COL18A1: variants seen among roughly 807,000 people sequenced by gnomAD.
COL18A1 encodes the protein collagen type XVIII alpha 1 chain.
Under a neutral mutation model 168.0 loss-of-function variants are expected in COL18A1, and 133 were observed. That is an observed-to-expected ratio of 0.79 (90% confidence interval 0.69 to 0.91). COL18A1 has a LOEUF of 0.91. COL18A1 is among the 40% of genes least tolerant of loss of function. The pLI is 0.00. For missense variants in COL18A1, 2,126 were observed against 1,925.4 expected (o/e 1.10, Z -1.95); for synonymous variants, 949 against 809.0 (o/e 1.17, Z -2.94).
intron 37 of COL18A1, chr21:45,506,741 T>TA (rs1568945675): frequency 1.4e-5 from 2 of 144,720 alleles, no homozygotes; most frequent in African/African-American, 5.3e-5. Context: ...CCCACCTTCC[T>TA]TCTAGAGCCC....
Position 45,476,375 on chromosome 21 carries a change from C to T in COL18A1, c.823C>T (p.Pro275Ser), listed in dbSNP as rs761815627. The T allele has an allele frequency of 6.2e-7, 1 of 1,614,114 alleles. No individual in the cohort carries two copies. Among genetic ancestry groups the T allele is most frequent in the Non-Finnish European group, 8.5e-7 (1 of 1,180,014 alleles). The change falls in exon 6 of 42, where the codon CCC (proline) becomes TCC (serine). Residue 275 changes from proline to serine, a missense_variant. Transcript: ENST00000651438. Reference sequence around the variant, plus strand: ...GGGCGCGGCCCTAAAACCCAGGCTCCCCGCGCCACCCCCCGTCACCACGCC... The same window carrying T: ...GGGCGCGGCCCTAAAACCCAGGCTCTCCGCGCCACCCCCCGTCACCACGCC... ...ETGAALKPRL[P>S]APPPVTTPPL...
rs540602382 is a variant in COL18A1, at chr21:45,484,233, C to T, written c.1701+1412C>T. Among the ~76,000 whole-genome samples, 939 of 145,316 alleles carry T rather than the reference C, an allele frequency of 6.5e-3. 20 individuals carry two copies. Among genetic ancestry groups the T allele is most frequent in the African/African-American group, 0.024 (884 of 37,404 alleles). On this transcript the variant is annotated intron_variant, in intron 15 of 41. Transcript: ENST00000651438. ...GGCACACACATCTCCAGCATATGTG[C>T]ACACACACCTCTCCAGCATATGTGC...
intron 33 of COL18A1, 32 bp from the exon 34 acceptor site, chr21:45,504,384 G>C: frequency 6.2e-7 from 1 of 1,604,350 alleles, no homozygotes. Flanking sequence ...AGGGGTTCAG[G>C]GCTCCCGTGT....
Position 45,495,431 on chromosome 21 carries a change from G to T in COL18A1, c.2507G>T (p.Arg836Met). ...PGDASLGFGM[R>M]GMPGPPGPPG... Reference sequence around the variant, plus strand: ...GATGCCAGCCTTGGATTTGGCATGAGGGTGAGTGTCTCTCAAGGGGCGGAC... The same window carrying T: ...GATGCCAGCCTTGGATTTGGCATGATGGTGAGTGTCTCTCAAGGGGCGGAC... Residue 836 changes from arginine (R) to methionine (M), a missense_variant and splice_region_variant, in exon 29 of 42, where the codon AGG (arginine) becomes ATG (methionine). Transcript: ENST00000651438. 6.2e-7 allele frequency: 1 copy of T among 1,607,738 alleles called. No homozygotes were observed. The highest frequency in any genetic ancestry group is 1.1e-5 in the South Asian group (1 of 90,054).
At chr21:45,462,760 T>A (rs927396625) in intron 2 of COL18A1, among the ~76,000 whole-genome samples, 1 of 152,198 alleles carries the variant, frequency 6.6e-6, no homozygotes, top group Non-Finnish European at 1.5e-5. Flanking sequence ...ACAGCTTCTG[T>A]TAATTTATTT....
rs1205235262 is a variant in COL18A1, at chr21:45,457,901, A to AC, written c.107-10339dup. 2.6e-5 allele frequency among the ~76,000 whole-genome samples: 4 copies of AC among 152,022 alleles called. No individual in the cohort carries two copies. Among genetic ancestry groups the AC allele is most frequent in the African/African-American group, 9.7e-5 (4 of 41,372 alleles). On this transcript the variant is annotated intron_variant, in intron 2 of 41. Coordinates refer to ENST00000651438, the MANE Select transcript of COL18A1 (RefSeq NM_001379500.1). This position sits in a 1 kb window ranked among gnomAD's most constrained non-coding sequence, Gnocchi z 4.6. ...TGGAAATTCTGGTGGACGCCCACCC[A>AC]CCAGGCTCCGTGAGGGATGACGAGC...
At chr21:45,440,453 C>T (rs886128207) in intron 2 of COL18A1, among the ~76,000 whole-genome samples, 19 of 152,192 alleles carry the variant, frequency 1.2e-4, no homozygotes, top group Non-Finnish European at 2.4e-4. Context: ...CCTGGGCCTC[C>T]GTGCCATGTT....
rs2034854788 is a variant in COL18A1, at chr21:45,457,026, C to T, written c.107-11216C>T. 3 of 674,000 alleles carry T rather than the reference C, an allele frequency of 4.5e-6. No individual in the cohort carries two copies. Among genetic ancestry groups the T allele is most frequent in the African/African-American group, 3.8e-5 (2 of 52,282 alleles). 41.8% of individuals were successfully genotyped at this position (674,000 alleles called of 1,614,324 possible). A position where few individuals can be genotyped will look rare whatever the true frequency, so the allele number is the denominator to read the frequency against. ...CCGTGGCCCTCGGGAGGTGGGAGAGCTGGGAGTGAGGCCTCCTGTGTGGGG... is the reference window on the plus strand; with the variant it reads ...CCGTGGCCCTCGGGAGGTGGGAGAGTTGGGAGTGAGGCCTCCTGTGTGGGG... On this transcript the variant is annotated intron_variant, in intron 2 of 41. Coordinates refer to ENST00000651438, the MANE Select transcript of COL18A1 (RefSeq NM_001379500.1). This position sits in a 1 kb window ranked among gnomAD's most constrained non-coding sequence, Gnocchi z 4.6.
At chr21:45,465,588 C>T (rs1159515829) in intron 2 of COL18A1, among the ~76,000 whole-genome samples, 2 of 152,176 alleles carry the variant, frequency 1.3e-5, no homozygotes, top group African/African-American at 4.8e-5. Context: ...TCTCTTTTCC[C>T]TGGAAAGTGG....
chr21:45,488,584 A>C, intron 18 of COL18A1, 140 bp downstream of exon 18: 1 of 1,236,700 alleles, frequency 8.1e-7, no homozygotes, highest in Admixed American at 1.9e-5. Context: ...AGTTTGCAAA[A>C]TACAGCAAAA....
At chr21:45,431,425 GGTGGGCAGGCAGGACCCGGCGGCCCA>G (rs2033956869) in intron 2 of COL18A1, among the ~76,000 whole-genome samples, 2 of 129,626 alleles carry the variant, frequency 1.5e-5, no homozygotes, top group African/African-American at 6.2e-5. Context: ...GCCCAGGGGA[GGTGGGCAGGCAGGACCCGGCGGCCCA>G]GGGGAGGGGG....
At chr21:45,495,719 C>T (rs999965384) in intron 29 of COL18A1, 11 of 423,844 alleles carry the variant, frequency 2.6e-5, no homozygotes, top group Non-Finnish European at 4.9e-5. Context: ...CACACATACA[C>T]GCACACACAC....
At chr21:45,468,891 C>G in intron 3 of COL18A1, 105 bp downstream of exon 3, 1 of 1,222,594 alleles carries the variant, frequency 8.2e-7, no homozygotes, top group Non-Finnish European at 1.1e-6. Flanking sequence ...AGAGGAGAGC[C>G]CCCACCCCAG....
chr21:45,479,805 C>A lies in COL18A1; in HGVS notation c.1249-97C>A, dbSNP rs915273352. On this transcript the variant is annotated intron_variant, in intron 9 of 41. Transcript: ENST00000651438. ...AGAGACTCCCCTGAAGGGCTCAGCT[C>A]CCGTCCGTCCCCTGCTTGGGGGAGG... The A allele has an allele frequency of 4.5e-6, 7 of 1,542,858 alleles. No individual in the cohort carries two copies. In the South Asian group the frequency reaches 8.1e-5, roughly 18 times the overall value.
rs199910738 is a variant in COL18A1 at position 45,492,713 on chromosome 21, C to G, written c.2214C>G (p.Pro738=). The part of the protein sequence containing the change: ...PEGRPGFAGF[P]GPAGPKGNLG... ...GCCGGCCGGGTTTCGCAGGCTTTCC[C>G]GTGAGTAACCTGGTGCCAGAGCTGC... The change falls in exon 24 of 42, where the codon CCC becomes CCG. Residue 738 remains proline (P), a splice_region_variant and synonymous_variant. Transcript: ENST00000651438. 9 of 1,606,382 alleles carry G rather than the reference C, an allele frequency of 5.6e-6. No individual in the cohort carries two copies. The highest frequency in any genetic ancestry group is 7.6e-6 in the Non-Finnish European group (9 of 1,177,210).
At chr21:45,416,781 C>G (rs2033461140) in intron 2 of COL18A1, among the ~76,000 whole-genome samples, 1 of 152,212 alleles carries the variant, frequency 6.6e-6, no homozygotes, top group South Asian at 2.1e-4. Flanking sequence ...GCACAGCTCA[C>G]TTTGCCTGGG....
At chr21:45,461,437 CACCGTCCATCCGGCACCAGTCCCT>C (rs2035043182) in intron 2 of COL18A1, among the ~76,000 whole-genome samples, 1 of 151,372 alleles carries the variant, frequency 6.6e-6, no homozygotes, top group African/African-American at 2.5e-5. Flanking sequence ...TGTGCATGGG[CACCGTCCATCCGGCACCAGTCCCT>C]ACCCCTTATC....
intron 2 of COL18A1, among the ~76,000 whole-genome samples, chr21:45,462,448 T>G (rs1007441780): frequency 6.6e-6 from 1 of 152,208 alleles, no homozygotes; most frequent in African/African-American, 2.4e-5. Context: ...CTTTTCACCT[T>G]TCTTTCATCT....
chr21:45,483,865 TAC>T (rs749878856), intron 15 of COL18A1, among the ~76,000 whole-genome samples: 7 of 151,322 alleles, frequency 4.6e-5, no homozygotes, highest in African/African-American at 9.7e-5. Flanking sequence ...CATGTGCACA[TAC>T]ACACACACAC....
Sources: gnomAD v4.1 joint callset for allele counts (sites outside exome capture counted in the v4.1 genomes callset) on GRCh38, gnomAD v4.1.1 for gene constraint, Gnocchi (gnomAD v3.1) non-coding constraint, MANE v1.5 for transcripts, NCBI Gene and HGNC (gene_info 2026-07-23, HGNC 2026-07-21) for gene names.